The following SOX6 variants were observed in gnomAD, a reference collection of about 807,000 sequenced individuals.
SOX6 encodes the protein transcription factor SOX-6.
A neutral mutation model predicts 97.8 loss-of-function variants in SOX6; 11 were observed. The observed-to-expected ratio is 0.11, with a 90% CI of 0.07 to 0.19. The LOEUF (loss-of-function observed/expected upper bound fraction) is 0.19, where lower values mean the gene tolerates loss of function less well. SOX6 is among the 10% of genes least tolerant of loss of function. The pLI is 1.00. For missense variants in SOX6, 810 were observed against 1,039.5 expected (o/e 0.78, Z 3.04); for synonymous variants, 360 against 371.4 (o/e 0.97, Z 0.35).
intron 4 of SOX6, among the ~76,000 whole-genome samples, chr11:16,497,680 A>C (rs557901452): frequency 1.3e-5 from 2 of 152,298 alleles, no homozygotes; most frequent in Admixed American, 6.5e-5. Flanking sequence ...GCACAAGCCT[A>C]AGTAGCCGAT....
At chr11:16,151,597 C>T (rs1850459109) in intron 6 of SOX6, among the ~76,000 whole-genome samples, 1 of 151,832 alleles carries the variant, frequency 6.6e-6, no homozygotes, top group African/African-American at 2.4e-5. Context: ...AGAGTTTCAC[C>T]CCATAATTTA....
chr11:16,134,703 C>T (rs1474500012), intron 6 of SOX6, among the ~76,000 whole-genome samples: 1 of 152,164 alleles, frequency 6.6e-6, no homozygotes, highest in Non-Finnish European at 1.5e-5. Context: ...ACACCATAAA[C>T]CACACCAGTG....
chr11:16,559,341 A>T (rs1846209680), intron 4 of SOX6, among the ~76,000 whole-genome samples: 1 of 151,124 alleles, frequency 6.6e-6, no homozygotes, highest in Admixed American at 6.7e-5. Context: ...TGTCAGCATC[A>T]CAGTTCTAAA....
chr11:15,998,816 T>A (rs559308538), intron 13 of SOX6, among the ~76,000 whole-genome samples: 1 of 152,110 alleles, frequency 6.6e-6, no homozygotes, highest in Non-Finnish European at 1.5e-5. Flanking sequence ...GAAAAAACTA[T>A]AACACTCCTC....
At chr11:16,334,106 T>A (rs1019276168) in intron 2 of SOX6, among the ~76,000 whole-genome samples, 7 of 152,090 alleles carry the variant, frequency 4.6e-5, no homozygotes, top group Non-Finnish European at 8.8e-5. Flanking sequence ...CCCTAGTCAT[T>A]GGATCTTATA....
intron 1 of SOX6, among the ~76,000 whole-genome samples, chr11:16,418,913 C>T (rs1858975501): frequency 6.6e-6 from 1 of 152,110 alleles, no homozygotes; most frequent in Non-Finnish European, 1.5e-5. Context: ...AAGACAGCCT[C>T]CCACTCCTAT....
intron 2 of SOX6, among the ~76,000 whole-genome samples, chr11:16,325,859 C>T (rs1164628077): frequency 6.6e-6 from 1 of 152,088 alleles, no homozygotes; most frequent in African/African-American, 2.4e-5. Context: ...TATAAAAGTG[C>T]TGAAGGCAAA....
At chr11:16,521,313 C>T (rs549415491) in intron 4 of SOX6, among the ~76,000 whole-genome samples, 1 of 152,110 alleles carries the variant, frequency 6.6e-6, no homozygotes, top group South Asian at 2.1e-4. Flanking sequence ...CAGCAGCATT[C>T]GCGATTCACG....
At chr11:16,526,972 A>G (rs1222896068) in intron 4 of SOX6, among the ~76,000 whole-genome samples, 1 of 152,158 alleles carries the variant, frequency 6.6e-6, no homozygotes, top group Admixed American at 6.5e-5. Context: ...GGCAGATTAT[A>G]TAATAGATAG....
intron 6 of SOX6, among the ~76,000 whole-genome samples, chr11:16,134,404 T>C (rs1849901402): frequency 6.7e-6 from 1 of 148,794 alleles, no homozygotes; most frequent in Non-Finnish European, 1.5e-5. Context: ...TGAAAACTTC[T>C]TGAAGAAGGT....
intron 1 of SOX6, among the ~76,000 whole-genome samples, chr11:16,444,280 T>C (rs578032504): frequency 3.9e-5 from 6 of 152,276 alleles, no homozygotes; most frequent in African/African-American, 1.4e-4. Context: ...CTTACCTACA[T>C]TGGCAGAAGA....
chr11:16,293,599 T>C (rs1050448250), intron 3 of SOX6, among the ~76,000 whole-genome samples: 1 of 152,074 alleles, frequency 6.6e-6, no homozygotes, highest in Non-Finnish European at 1.5e-5. Context: ...GCACTCTCAC[T>C]ACATTCTTTT....
In SOX6 at chr11:16,014,936, A is replaced by G. The variant is rs139623452; in HGVS notation, c.1732+6T>C. 1.7e-4 allele frequency: 282 copies of G among 1,611,640 alleles called. No individual in the cohort carries two copies. The highest frequency in any genetic ancestry group is 1.7e-3 in the Middle Eastern group (10 of 6,044). ...AGCAGAAAAGAACTAGAGAAAAGCC[A>G]CTCACCCTCTGCATCTTCTGGCCGA... On this transcript the variant is annotated splice_donor_region_variant and intron_variant, in intron 13 of 15. Coordinates refer to ENST00000683767, the MANE Select transcript of SOX6 (RefSeq NM_001367873.1).
chr11:16,045,559 GGT>G (rs1415036378), intron 12 of SOX6, among the ~76,000 whole-genome samples: 2 of 152,016 alleles, frequency 1.3e-5, no homozygotes, highest in Non-Finnish European at 2.9e-5. Context: ...GCCTTTCCAG[GGT>G]GTACCAGGTA....
In SOX6 at chr11:16,209,522, G is replaced by A. The variant is rs946716947; in HGVS notation, c.536-22567C>T. On this transcript the variant is annotated intron_variant, in intron 4 of 15. Transcript: ENST00000683767. ...GGTAATCCCAGCACTTTGGGAGGCC[G>A]AAGTGGGAGGATCACTTGAGTGCAG... Among the ~76,000 whole-genome samples the A allele has an allele frequency of 7.9e-5, 12 of 152,270 alleles. No homozygotes were observed. In the South Asian group the frequency reaches 1.0e-3, roughly 13 times the overall value.
intron 4 of SOX6, among the ~76,000 whole-genome samples, chr11:16,594,474 T>C (rs531656593): frequency 2.7e-4 from 41 of 152,228 alleles, no homozygotes; most frequent in Non-Finnish European, 4.7e-4. Flanking sequence ...TCAATATATC[T>C]ACTTTCATTG....
chr11:16,080,487 G>A (rs1019368499), intron 9 of SOX6, among the ~76,000 whole-genome samples: 1 of 152,076 alleles, frequency 6.6e-6, no homozygotes, highest in African/African-American at 2.4e-5. Context: ...CATGCAGAAT[G>A]TGCTTAAAAC....
chr11:16,220,619 T>G (rs1852508762), intron 4 of SOX6, among the ~76,000 whole-genome samples: 1 of 115,922 alleles, frequency 8.6e-6, no homozygotes, highest in African/African-American at 3.1e-5. Context: ...TAATGACAGT[T>G]CCAGGTCCCT....
chr11:16,112,361 T>C (rs1849251446), intron 6 of SOX6, among the ~76,000 whole-genome samples: 1 of 152,196 alleles, frequency 6.6e-6, no homozygotes, highest in Non-Finnish European at 1.5e-5. Context: ...GTCTAATTAA[T>C]ATATATTCTA....
Sources: gnomAD v4.1 joint callset for allele counts (sites outside exome capture counted in the v4.1 genomes callset) on GRCh38, gnomAD v4.1.1 for gene constraint, MANE v1.5 for transcripts, NCBI Gene and HGNC (gene_info 2026-07-23, HGNC 2026-07-21) for gene names.